The following MACROD2 variants were observed in gnomAD, a reference collection of about 807,000 sequenced individuals.
The protein encoded by MACROD2 is mono-ADP ribosylhydrolase 2.
Under a neutral mutation model 70.4 loss-of-function variants are expected in MACROD2, and 36 were observed. The ratio of observed to expected loss-of-function variants is 0.51; its 90% CI spans 0.39 to 0.68. The LOEUF is 0.68. Ranked by LOEUF, MACROD2 falls within the 30% of genes least tolerant of loss-of-function variation. The pLI is 0.00. For synonymous variants in MACROD2, 172 were observed against 178.8 expected, an observed-to-expected ratio of 0.96 and a Z score of 0.30; for missense variants, 496 against 538.4, an observed-to-expected ratio of 0.92 and a Z score of 0.78.
At chr20:15,116,735 A>G (rs1355099892) in intron 5 of MACROD2, among the ~76,000 whole-genome samples, 6 of 152,244 alleles carry the variant, frequency 3.9e-5, no homozygotes. Flanking sequence ...AGAATACAGT[A>G]TATAATACAT....
intron 8 of MACROD2, among the ~76,000 whole-genome samples, chr20:15,572,205 G>T (rs2216156): frequency 0.13 from 19,726 of 151,884 alleles, 3,432 homozygotes; most frequent in African/African-American, 0.4. Flanking sequence ...TAAGGGGAAG[G>T]GTATGTATCC....
chr20:15,954,475 T>A (rs2065948801), intron 12 of MACROD2, among the ~76,000 whole-genome samples: 2 of 152,174 alleles, frequency 1.3e-5, no homozygotes. Context: ...TCTTTTTCTG[T>A]TGTTGTTTGC....
rs377219498 is a variant in MACROD2, at chr20:14,780,437, C to T, written c.418+95478C>T. 1.5e-4 allele frequency among the ~76,000 whole-genome samples: 23 copies of T among 151,796 alleles called. 1 individual carries two copies. The South Asian group carries it at 3.9e-3, about 26-fold the overall frequency. ...CTTAGTCGGGCGTGGTGACGCATGC[C>T]GGTAATCCCAGCTACTCGGGAGGCT... On this transcript the variant is annotated intron_variant, in intron 5 of 17. Coordinates refer to ENST00000684519, the MANE Select transcript of MACROD2 (RefSeq NM_001351661.2).
chr20:15,216,221 G>A (rs6135365), intron 5 of MACROD2, among the ~76,000 whole-genome samples: 1 of 152,010 alleles, frequency 6.6e-6, no homozygotes, highest in East Asian at 1.9e-4. Flanking sequence ...ATAACACAAA[G>A]GGTAAATGCT....
chr20:14,094,098 A>T (rs1281769331), intron 3 of MACROD2, among the ~76,000 whole-genome samples: 1 of 151,812 alleles, frequency 6.6e-6, no homozygotes, highest in Admixed American at 6.6e-5. Flanking sequence ...TAAATTGGGG[A>T]AGGATTAAGT....
chr20:15,335,873 A>G (rs999914067), intron 6 of MACROD2, among the ~76,000 whole-genome samples: 9 of 151,620 alleles, frequency 5.9e-5, no homozygotes, highest in Non-Finnish European at 1.0e-4. Flanking sequence ...CAGGTCTTCA[A>G]TACCGTTCCC....
At chr20:14,818,280 G>T (rs1361888284) in intron 5 of MACROD2, among the ~76,000 whole-genome samples, 1 of 152,036 alleles carries the variant, frequency 6.6e-6, no homozygotes, top group Admixed American at 6.6e-5. Flanking sequence ...AGGTGCAAAT[G>T]AAGTTGAATC....
intron 8 of MACROD2, among the ~76,000 whole-genome samples, chr20:15,652,411 A>AT (rs1312395299): frequency 5.3e-5 from 8 of 151,978 alleles, no homozygotes; most frequent in Non-Finnish European, 7.4e-5. Context: ...TGTTTAGTGT[A>AT]TTTTTTTTAT....
intron 8 of MACROD2, among the ~76,000 whole-genome samples, chr20:15,723,087 C>T (rs985079177): frequency 3.3e-5 from 5 of 152,082 alleles, no homozygotes; most frequent in Admixed American, 6.6e-5. Context: ...CATAGATGTT[C>T]TTTTAAATGC....
At chr20:14,825,265 G>A (rs934456209) in intron 5 of MACROD2, among the ~76,000 whole-genome samples, 13 of 152,136 alleles carry the variant, frequency 8.5e-5, no homozygotes, top group East Asian at 5.8e-4. Context: ...AGTGAGAGCC[G>A]TAAAAGGAAA....
intron 10 of MACROD2, among the ~76,000 whole-genome samples, chr20:15,922,493 T>G (rs963664829): frequency 2.0e-5 from 3 of 152,230 alleles, no homozygotes. Flanking sequence ...AATGTGGACT[T>G]GCCTCGTAGT....
chr20:14,844,612 T>G (rs956192633), intron 5 of MACROD2, among the ~76,000 whole-genome samples: 3 of 152,110 alleles, frequency 2.0e-5, no homozygotes, highest in Admixed American at 2.0e-4. Context: ...TACTCCTTCT[T>G]GTTTTCTTTT....
chr20:14,226,590 C>A (rs1281491887), intron 3 of MACROD2, among the ~76,000 whole-genome samples: 1 of 152,154 alleles, frequency 6.6e-6, no homozygotes, highest in Non-Finnish European at 1.5e-5. Flanking sequence ...CTTGGCGGGC[C>A]GCGCACTCGG....
chr20:16,031,635 A>G (rs1251850443), intron 15 of MACROD2, among the ~76,000 whole-genome samples: 2 of 152,306 alleles, frequency 1.3e-5, no homozygotes, highest in South Asian at 2.1e-4. Context: ...GCAATGAGAT[A>G]TTAACACAGA....
intron 3 of MACROD2, among the ~76,000 whole-genome samples, chr20:14,414,132 C>T (rs1212374036): frequency 3.9e-5 from 6 of 152,104 alleles, no homozygotes; most frequent in Non-Finnish European, 7.4e-5. Context: ...GTATTGCTCC[C>T]CTGAACTTCA....
intron 4 of MACROD2, among the ~76,000 whole-genome samples, chr20:14,659,610 C>T (rs1986131598): frequency 6.6e-6 from 1 of 152,128 alleles, no homozygotes; most frequent in African/African-American, 2.4e-5. Context: ...CTACCCTCCT[C>T]AGGTTACAAT....
chr20:14,464,435 A>G (rs2084413157), intron 3 of MACROD2, among the ~76,000 whole-genome samples: 1 of 151,432 alleles, frequency 6.6e-6, no homozygotes, highest in Non-Finnish European at 1.5e-5. Context: ...TTTCTTCTTT[A>G]TGAGTCTTGC....
At chr20:15,478,381 T>C (rs1568836515) in intron 7 of MACROD2, among the ~76,000 whole-genome samples, 1 of 152,194 alleles carries the variant, frequency 6.6e-6, no homozygotes, top group Non-Finnish European at 1.5e-5. Context: ...AGAAAGTCTT[T>C]AGAAAGACAG....
chr20:15,072,350 A>T (rs975697418), intron 5 of MACROD2, among the ~76,000 whole-genome samples: 1 of 152,180 alleles, frequency 6.6e-6, no homozygotes, highest in African/African-American at 2.4e-5. Context: ...TGGTTAATCC[A>T]TTTAAAGACA....
Sources: allele counts gnomAD v4.1 joint callset (sites outside exome capture counted in the v4.1 genomes callset), GRCh38; gene constraint gnomAD v4.1.1; transcripts MANE v1.5; gene names NCBI Gene and HGNC (gene_info 2026-07-23, HGNC 2026-07-21).